CEP162: variants seen among roughly 807,000 people sequenced by gnomAD.
The protein encoded by CEP162 is centrosomal protein 162, also known as centrosomal protein of 162 kDa.
A neutral mutation model predicts 169.2 loss-of-function variants in CEP162; 141 were observed. The ratio of observed to expected loss-of-function variants is 0.83; its 90% CI spans 0.73 to 0.96. The LOEUF (loss-of-function observed/expected upper bound fraction) is 0.96. CEP162 is among the 40% of genes least tolerant of loss of function. The probability of loss-of-function intolerance (pLI) is 0.00; values close to 1 mark genes in which losing one functional copy is unlikely to be tolerated. For missense variants in CEP162, 1,600 were observed against 1,587.2 expected, an observed-to-expected ratio of 1.01 and a Z score of -0.14; for synonymous variants, 540 against 526.4, an observed-to-expected ratio of 1.03 and a Z score of -0.35.
In CEP162 at chr6:84,223,255, C is replaced by T. The variant is rs187406158; in HGVS notation, c.58-2084G>A. On this transcript the variant is annotated intron_variant, in intron 2 of 26. Transcript: ENST00000403245. The stretch of plus-strand genomic sequence containing the variant: ...GTGGCTCACACCTGTAATCCCAGCA[C>T]TTTGGGAAGCCGAGGTGGGCGGATC... 2.7e-3 allele frequency among the ~76,000 whole-genome samples: 405 copies of T among 152,054 alleles called. 1 individual carries two copies. The highest frequency in any genetic ancestry group is 4.0e-3 in the Non-Finnish European group (271 of 67,982).
intron 25 of CEP162, among the ~76,000 whole-genome samples, chr6:84,134,855 C>T (rs1348935016): frequency 1.3e-5 from 2 of 151,776 alleles, no homozygotes; most frequent in Non-Finnish European, 2.9e-5. Flanking sequence ...TATAATGCCT[C>T]TATTTTGAAA....
chr6:84,218,055 T>A (rs538042288), intron 3 of CEP162, among the ~76,000 whole-genome samples: 4 of 152,332 alleles, frequency 2.6e-5, no homozygotes, highest in Admixed American at 2.6e-4. Context: ...CAAAGTTAAA[T>A]GTGAATTACA....
chr6:84,178,874 T>C (rs1226414542), intron 13 of CEP162, among the ~76,000 whole-genome samples: 1 of 152,142 alleles, frequency 6.6e-6, no homozygotes, highest in East Asian at 1.9e-4. Context: ...AGTGTTCTCA[T>C]TGTTCAATTC....
At position 84,155,507 on chromosome 6, in the gene CEP162, T is replaced by C; in HGVS notation, c.2785A>G (p.Lys929Glu). ...CTCTTCAGAATCCCTTCCATTTCCT[T>C]AACCTATTAAAACATATTTTCCACC... ...KKIQDLERQV[K>E]EMEGILKRRY... The change falls in exon 22 of 27, where the codon AAG (lysine) becomes GAG (glutamate). Residue 929 changes from lysine to glutamate, a missense_variant. Transcript: ENST00000403245. 1 of 1,593,454 alleles carries C rather than the reference T, an allele frequency of 6.3e-7. No individual in the cohort carries two copies. Among genetic ancestry groups the C allele is most frequent in the Non-Finnish European group, 8.6e-7 (1 of 1,165,536 alleles).
intron 25 of CEP162, among the ~76,000 whole-genome samples, chr6:84,144,502 T>G (rs2099518015): frequency 6.6e-6 from 1 of 152,258 alleles, no homozygotes; most frequent in South Asian, 2.1e-4. Context: ...TTAATTGTTT[T>G]ACTGTTACTT....
chr6:84,125,340 A>T, intron 26 of CEP162, 64 bp from the exon 27 acceptor site: 2 of 1,433,376 alleles, frequency 1.4e-6, no homozygotes, highest in Non-Finnish European at 1.9e-6. Context: ...AACATTTAAC[A>T]ATCTTAAAGT....
chr6:84,148,175 C>CT (rs924426879), intron 24 of CEP162, among the ~76,000 whole-genome samples: 3 of 152,076 alleles, frequency 2.0e-5, no homozygotes, highest in African/African-American at 7.2e-5. Context: ...ACGAAAGGCA[C>CT]TTTAAGTATT....
At chr6:84,189,055 C>T (rs2099538514) in intron 11 of CEP162, among the ~76,000 whole-genome samples, 1 of 151,954 alleles carries the variant, frequency 6.6e-6, no homozygotes, top group Admixed American at 6.6e-5. Context: ...CATGTCCTTG[C>T]CCACTTTTTT....
intron 13 of CEP162, among the ~76,000 whole-genome samples, chr6:84,184,515 C>T (rs1218260282): frequency 1.3e-5 from 2 of 152,144 alleles, no homozygotes. Context: ...CAGTCCTCAT[C>T]TATCTTAATC....
chr6:84,224,696 A>G (rs1478756399), intron 2 of CEP162, among the ~76,000 whole-genome samples: 5 of 152,216 alleles, frequency 3.3e-5, no homozygotes, highest in Non-Finnish European at 4.4e-5. Flanking sequence ...CAGTAAAAAA[A>G]AAATGACACA....
At chr6:84,213,046 T>C in intron 5 of CEP162, 22 bp from the exon 6 acceptor site, 2 of 1,422,186 alleles carry the variant, frequency 1.4e-6, no homozygotes, top group Non-Finnish European at 1.9e-6. Context: ...ATTTATTTAA[T>C]TTAGCATTAC....
intron 25 of CEP162, among the ~76,000 whole-genome samples, chr6:84,130,831 A>G (rs868823216): frequency 2.0e-5 from 3 of 151,862 alleles, no homozygotes; most frequent in Admixed American, 1.3e-4. Context: ...TTTTTTTTGA[A>G]AGGTTTCTTG....
At chr6:84,201,642 C>G (rs1562077282) in intron 8 of CEP162, 95 bp downstream of exon 8, 1 of 646,958 alleles carries the variant, frequency 1.5e-6, no homozygotes, top group Non-Finnish European at 2.7e-6. Context: ...TATTTAAAAA[C>G]AAACACAGAT....
intron 25 of CEP162, among the ~76,000 whole-genome samples, chr6:84,137,511 A>G (rs946496406): frequency 4.6e-5 from 7 of 152,144 alleles, no homozygotes; most frequent in African/African-American, 1.4e-4. Context: ...AATATTTTCT[A>G]TATCTTTTAT....
intron 9 of CEP162, among the ~76,000 whole-genome samples, chr6:84,199,713 A>C (rs1009876468): frequency 6.6e-6 from 1 of 152,140 alleles, no homozygotes; most frequent in Non-Finnish European, 1.5e-5. Flanking sequence ...AAAAGTTCCC[A>C]TTTGCAGCTA....
chr6:84,195,129 C>A, intron 9 of CEP162, 54 bp from the exon 10 acceptor site: 1 of 1,296,710 alleles, frequency 7.7e-7, no homozygotes, highest in Admixed American at 2.6e-5. Flanking sequence ...TACATGAGAA[C>A]GATAAAACAC....
chr6:84,144,659 AGATT>A (rs1160077360), intron 25 of CEP162, among the ~76,000 whole-genome samples: 1 of 152,118 alleles, frequency 6.6e-6, no homozygotes, highest in Non-Finnish European at 1.5e-5. Context: ...TCTAATGAAA[AGATT>A]GATTGGTTCA....
rs1278803920 is a variant in CEP162, at chr6:84,126,898, C to T, written c.3871-386G>A. Among the ~76,000 whole-genome samples, 4 of 152,192 alleles carry T rather than the reference C, an allele frequency of 2.6e-5. No individual in the cohort carries two copies. In the South Asian group the frequency reaches 6.2e-4, roughly 24 times the overall value. ...TCAACATAGTACAGTGCCCCATGCACAGAAAGAGTTCAATGAATATGTATT... is the reference window on the plus strand; with the variant it reads ...TCAACATAGTACAGTGCCCCATGCATAGAAAGAGTTCAATGAATATGTATT... On this transcript the variant is annotated intron_variant, in intron 25 of 26. Transcript: ENST00000403245.
chr6:84,203,181 C>A (rs1349375353), intron 7 of CEP162, among the ~76,000 whole-genome samples: 1 of 152,070 alleles, frequency 6.6e-6, no homozygotes, highest in East Asian at 1.9e-4. Context: ...TTGGTAAGAA[C>A]TGGGAAATGT....
Sources: gnomAD v4.1 joint callset for allele counts (sites outside exome capture counted in the v4.1 genomes callset) on GRCh38, gnomAD v4.1.1 for gene constraint, MANE v1.5 for transcripts, NCBI Gene and HGNC (gene_info 2026-07-23, HGNC 2026-07-21) for gene names.